PRKCG: variants seen among roughly 807,000 people sequenced by gnomAD.
PRKCG encodes protein kinase C gamma type.
In PRKCG, 28 loss-of-function variants were observed where a neutral mutation model predicts 82.0. That is an observed-to-expected ratio of 0.34 (90% CI 0.25 to 0.47). The LOEUF (loss-of-function observed/expected upper bound fraction) is 0.47, where lower values mean the gene tolerates loss of function less well. Among genes scored for constraint, PRKCG ranks in the 20% least tolerant of loss-of-function variants. The pLI is 1.00. For synonymous variants in PRKCG, 383 were observed against 376.6 expected (o/e 1.02, Z -0.20); for missense variants, 640 against 952.7 (o/e 0.67, Z 4.32).
In PRKCG at chr19:53,884,065, C is replaced by G. The variant is rs2068613490; in HGVS notation, c.203-96C>G. The stretch of plus-strand genomic sequence containing the variant: ...CTCTCTTTCTGGTTTTCTCAGTGTC[C>G]GAGTTCCGCTCTCTCTTTCCAATTT... On this transcript the variant is annotated intron_variant, in intron 2 of 17. Transcript: ENST00000263431. This position sits in a 1 kb window ranked among gnomAD's most constrained non-coding sequence, Gnocchi z 4.6. 3.3e-6 allele frequency: 4 copies of G among 1,221,836 alleles called. No homozygotes were observed. The highest frequency in any genetic ancestry group is 4.8e-6 in the Non-Finnish European group (4 of 833,588). 75.7% of individuals were successfully genotyped at this position (1,221,836 alleles called of 1,614,324 possible).
intron 3 of PRKCG, among the ~76,000 whole-genome samples, chr19:53,886,678 A>G (rs921089034): frequency 6.6e-6 from 1 of 150,590 alleles, no homozygotes; most frequent in Non-Finnish European, 1.5e-5. Flanking sequence ...TCCCAAAATG[A>G]TGGGATTACA....
Position 53,906,336 on chromosome 19 carries a change from G to A in PRKCG, c.1784G>A (p.Gly595Glu). Residue 595 changes from glycine (G) to glutamate (E), a missense_variant, in exon 17 of 18, where the codon GGG (glycine) becomes GAG (glutamate). Physicochemically the swap from Gly to Glu is moderately conservative, Grantham distance 98. Around this residue, in one of 7 missense-constraint regions of PRKCG, gnomAD observed 198 missense variants for 273.4 expected, o/e 0.72. Transcript: ENST00000263431. ...CCACAGTTCCTGACCAAGCACCCAG[G>A]GAAGCGCCTGGGCTCAGGGCCTGAT... ...ICKGFLTKHP[G>E]KRLGSGPDGE... 2 of 1,551,522 alleles carry A rather than the reference G, an allele frequency of 1.3e-6. No homozygotes were observed. The highest frequency in any genetic ancestry group is 1.7e-6 in the Non-Finnish European group (2 of 1,147,014).
At position 53,904,760 on chromosome 19, in the gene PRKCG, C is replaced by A; in HGVS notation, c.1764+18C>A. On this transcript the variant is annotated intron_variant, in intron 16 of 17. Coordinates refer to ENST00000263431, the MANE Select transcript of PRKCG (RefSeq NM_002739.5). ...GCAAGGGGGTGAGAGCCCCCTGACTCCCAGCTTCTCCAGGCTCACAACCAC... is the reference window on the plus strand; with the variant it reads ...GCAAGGGGGTGAGAGCCCCCTGACTACCAGCTTCTCCAGGCTCACAACCAC... 6.3e-7 allele frequency: 1 copy of A among 1,589,374 alleles called. No individual in the cohort carries two copies. Among genetic ancestry groups the A allele is most frequent in the Non-Finnish European group, 8.6e-7 (1 of 1,161,234 alleles).
intron 14 of PRKCG, among the ~76,000 whole-genome samples, chr19:53,901,848 TCA>T (rs2068766457): frequency 9.8e-6 from 1 of 102,544 alleles, no homozygotes; most frequent in Admixed American, 1.0e-4. Flanking sequence ...AGACCCTGTC[TCA>T]AAAAAAAAAA....
At chr19:53,901,867 GAAAA>G (rs1328546835) in intron 14 of PRKCG, among the ~76,000 whole-genome samples, 1 of 140,378 alleles carries the variant, frequency 7.1e-6, no homozygotes, top group Non-Finnish European at 1.5e-5. Flanking sequence ...AAAAAAAAAA[GAAAA>G]AGAAAAAGGG....
intron 15 of PRKCG, among the ~76,000 whole-genome samples, chr19:53,904,305 T>C (rs1356728391): frequency 6.6e-6 from 1 of 151,486 alleles, no homozygotes; most frequent in Non-Finnish European, 1.5e-5. Context: ...AGAATGCTTT[T>C]AGGGTGTTTC....
Position 53,892,089 on chromosome 19 carries a change from AAG to A in PRKCG, c.686+266_686+267del, listed in dbSNP as rs957836626. The stretch of plus-strand genomic sequence containing the variant: ...AGAGTTAGACAGAGATGAGAGAGAG[AAG>A]AGAGAGTCTCAGAAGAGGCAGAAAC... On this transcript the variant is annotated intron_variant, in intron 6 of 17. Coordinates refer to ENST00000263431, the MANE Select transcript of PRKCG (RefSeq NM_002739.5). This position sits in a 1 kb window ranked among gnomAD's most constrained non-coding sequence, Gnocchi z 5.9. Among the ~76,000 whole-genome samples, 1 of 152,062 alleles carries A rather than the reference AAG, an allele frequency of 6.6e-6. No homozygotes were observed. The highest frequency in any genetic ancestry group is 1.5e-5 in the Non-Finnish European group (1 of 67,994).
At chr19:53,896,451 G>T (rs1415826213) in intron 9 of PRKCG, among the ~76,000 whole-genome samples, 1 of 150,830 alleles carries the variant, frequency 6.6e-6, no homozygotes, top group Non-Finnish European at 1.5e-5. Flanking sequence ...ACACAGTCTC[G>T]CTCTGTCGCC....
Position 53,892,636 on chromosome 19 carries a change from G to A in PRKCG, c.814G>A (p.Asp272Asn). The A allele has an allele frequency of 6.2e-7, 1 of 1,611,410 alleles. No homozygotes were observed. Among genetic ancestry groups the A allele is most frequent in the Non-Finnish European group, 8.5e-7 (1 of 1,179,760 alleles). ...GVSELLKAPV[D>N]GWYKLLNQEE... ...CTCGGAGCTGCTCAAGGCGCCCGTG[G>A]ATGGCTGGTGAGGAGCAGGGCTGGG... The change falls in exon 7 of 18, where the codon GAT (aspartate) becomes AAT (asparagine). Residue 272 changes from aspartate (D) to asparagine (N), a missense_variant. By Grantham distance (23) the Asp-to-Asn change is conservative (BLOSUM62 1). Coordinates refer to ENST00000263431, the MANE Select transcript of PRKCG (RefSeq NM_002739.5). The surrounding 1 kb of genome is among the most constrained non-coding windows in gnomAD (Gnocchi z 5.9).
rs973801977 is a variant in PRKCG at position 53,894,353 on chromosome 19, C to T, written c.939+962C>T. 1.2e-4 allele frequency among the ~76,000 whole-genome samples: 18 copies of T among 152,322 alleles called. No individual in the cohort carries two copies. In the South Asian group the frequency reaches 2.7e-3, roughly 23 times the overall value. On this transcript the variant is annotated intron_variant, in intron 9 of 17. Coordinates refer to ENST00000263431, the MANE Select transcript of PRKCG (RefSeq NM_002739.5). ...GTGCTGGGATTACAGGCGTGAGCCA[C>T]CACACCCAGCCGATTCTTGAGTTTT...
In PRKCG at chr19:53,883,263, TG is replaced by T; in HGVS notation, c.202+70del. ...GAGGCTGGGGCCCCACAGCTGAGGC[TG>T]CTTGACACACGTGTTCTCTGGTCCC... On this transcript the variant is annotated intron_variant, in intron 2 of 17. Coordinates refer to ENST00000263431, the MANE Select transcript of PRKCG (RefSeq NM_002739.5). This position sits in a 1 kb window ranked among gnomAD's most constrained non-coding sequence, Gnocchi z 5.4. 6.4e-7 allele frequency: 1 copy of T among 1,572,448 alleles called. No individual in the cohort carries two copies. The highest frequency in any genetic ancestry group is 8.7e-7 in the Non-Finnish European group (1 of 1,144,056).
At chr19:53,891,096 T>A (rs1165682264) in intron 5 of PRKCG, among the ~76,000 whole-genome samples, 1 of 151,832 alleles carries the variant, frequency 6.6e-6, no homozygotes. Flanking sequence ...AGTACCTGGT[T>A]CTGAGGGAGG....
chr19:53,895,345 T>C lies in PRKCG; in HGVS notation c.939+1954T>C, dbSNP rs575912722. Among the ~76,000 whole-genome samples the C allele has an allele frequency of 2.6e-5, 4 of 151,648 alleles. 1 individual carries two copies. In the South Asian group the frequency reaches 6.2e-4, roughly 24 times the overall value. On this transcript the variant is annotated intron_variant, in intron 9 of 17. Transcript: ENST00000263431. The stretch of plus-strand genomic sequence containing the variant: ...TCTACTAAAAAATACAAAAATCAGC[T>C]GGGCATGGTGGAGGCGCCTGTAATC...
Position 53,898,515 on chromosome 19 carries a change from G to A in PRKCG, c.1168G>A (p.Asp390Asn). ...CTTGAAAAAGGACGTGATCGTCCAGGACGACGATGTGGACTGCACGCTGGT... is the reference window on the plus strand; with the variant it reads ...CTTGAAAAAGGACGTGATCGTCCAGAACGACGATGTGGACTGCACGCTGGT... ...KILKKDVIVQDDDVDCTLVEK... is the reference protein window; with the variant it reads ...KILKKDVIVQNDDVDCTLVEK... Residue 390 changes from aspartate (D) to asparagine (N), a missense_variant, in exon 11 of 18, where the codon GAC becomes AAC. This residue lies in a region of PRKCG where 22 missense variants were observed against 59.0 expected (regional missense o/e 0.37). Coordinates refer to ENST00000263431, the MANE Select transcript of PRKCG (RefSeq NM_002739.5). 3 of 1,613,960 alleles carry A rather than the reference G, an allele frequency of 1.9e-6. No homozygotes were observed. The highest frequency in any genetic ancestry group is 2.5e-6 in the Non-Finnish European group (3 of 1,180,020).
At chr19:53,896,965 T>C (rs2123006657) in intron 9 of PRKCG, among the ~76,000 whole-genome samples, 1 of 152,142 alleles carries the variant, frequency 6.6e-6, no homozygotes, top group Non-Finnish European at 1.5e-5. Flanking sequence ...TGAGTCAAGG[T>C]CTAAAGGGTG....
chr19:53,906,204 A>G (rs2068809120), intron 16 of PRKCG, 113 bp from the exon 17 acceptor site: 1 of 1,391,314 alleles, frequency 7.2e-7, no homozygotes, highest in African/African-American at 1.5e-5. Flanking sequence ...TCCGGATCTC[A>G]TGCCTGTGTC....
At chr19:53,901,675 C>T (rs1458468231) in intron 14 of PRKCG, among the ~76,000 whole-genome samples, 1 of 149,552 alleles carries the variant, frequency 6.7e-6, no homozygotes, top group Non-Finnish European at 1.5e-5. Context: ...CATGGTGAAA[C>T]TCCATCTCTA....
chr19:53,890,873 T>C (rs1441667306), intron 5 of PRKCG, among the ~76,000 whole-genome samples: 1 of 151,644 alleles, frequency 6.6e-6, no homozygotes, highest in Non-Finnish European at 1.5e-5. Context: ...TGCTTCAGCC[T>C]CCTGAGTAGC....
At chr19:53,906,197 G>A (rs1179955676) in intron 16 of PRKCG, 120 bp from the exon 17 acceptor site, 5 of 1,311,572 alleles carry the variant, frequency 3.8e-6, no homozygotes, top group Non-Finnish European at 5.3e-6. Context: ...TTATCTCTCC[G>A]GATCTCATGC....
Sources: gnomAD v4.1 joint callset for allele counts (sites outside exome capture counted in the v4.1 genomes callset) on GRCh38, gnomAD v4.1.1 for gene constraint, gnomAD v4.1.1 regional missense constraint, Gnocchi (gnomAD v3.1) non-coding constraint, MANE v1.5 for transcripts, NCBI Gene and HGNC (gene_info 2026-07-23, HGNC 2026-07-21) for gene names.